The following PRKN variants were observed in gnomAD, a reference collection of about 807,000 sequenced individuals.
The protein encoded by PRKN is E3 ubiquitin-protein ligase parkin.
In PRKN, 56 loss-of-function variants were observed where a neutral mutation model predicts 59.5. The ratio of observed to expected loss-of-function variants is 0.94; its 90% CI spans 0.76 to 1.18. The LOEUF (loss-of-function observed/expected upper bound fraction) is 1.18. Among genes scored for constraint, PRKN ranks in the 50% most tolerant of loss-of-function variants. PRKN has a pLI of 0.00. For synonymous variants in PRKN, 250 were observed against 222.1 expected (o/e 1.13, Z -1.12); for missense variants, 657 against 596.4 (o/e 1.10, Z -1.06).
chr6:161,759,458 T>C (rs1789097229), intron 7 of PRKN, among the ~76,000 whole-genome samples: 2 of 151,736 alleles, frequency 1.3e-5, no homozygotes, highest in Admixed American at 6.6e-5. Flanking sequence ...GGAACAATTA[T>C]GTCCCATTTT....
intron 9 of PRKN, among the ~76,000 whole-genome samples, chr6:161,437,185 C>T (rs1718544367): frequency 6.6e-6 from 1 of 152,150 alleles, no homozygotes; most frequent in Non-Finnish European, 1.5e-5. Flanking sequence ...AGGACCACGA[C>T]ACAAGCTACG....
Position 161,445,150 on chromosome 6 carries a change from G to A in PRKN, c.1084-58273C>T, listed in dbSNP as rs973480139. Among the ~76,000 whole-genome samples, 3 of 152,102 alleles carry A rather than the reference G, an allele frequency of 2.0e-5. No homozygotes were observed. Among genetic ancestry groups the A allele is most frequent in the South Asian group, 2.1e-4 (1 of 4,816 alleles). ...TGACGTGCTCAGCCTCTCCAAAGCCGCGGCGCTGACACAGCTCCCCCTGCA... is the reference window on the plus strand; with the variant it reads ...TGACGTGCTCAGCCTCTCCAAAGCCACGGCGCTGACACAGCTCCCCCTGCA... On this transcript the variant is annotated intron_variant, in intron 9 of 11. Transcript: ENST00000366898. This position sits in a 1 kb window ranked among gnomAD's most constrained non-coding sequence, Gnocchi z 7.7.
At chr6:161,872,633 C>T (rs1794388505) in intron 6 of PRKN, among the ~76,000 whole-genome samples, 1 of 152,074 alleles carries the variant, frequency 6.6e-6, no homozygotes, top group Non-Finnish European at 1.5e-5. Context: ...CATGGTCCCT[C>T]ATATTAAAGC....
chr6:161,982,869 C>T (rs1781310045), intron 5 of PRKN, among the ~76,000 whole-genome samples: 1 of 56,372 alleles, frequency 1.8e-5, no homozygotes, highest in African/African-American at 8.1e-5. Context: ...TCCAAAACAC[C>T]AAAAGCAATG....
intron 6 of PRKN, among the ~76,000 whole-genome samples, chr6:161,791,676 G>A (rs1033161165): frequency 6.6e-6 from 1 of 152,164 alleles, no homozygotes; most frequent in African/African-American, 2.4e-5. Flanking sequence ...AGCTCTCAAG[G>A]ACATATAAAT....
intron 2 of PRKN, among the ~76,000 whole-genome samples, chr6:162,301,560 G>A (rs1279059351): frequency 4.6e-5 from 7 of 152,000 alleles, no homozygotes; most frequent in Non-Finnish European, 8.8e-5. Context: ...GGCCTCCTGC[G>A]TTGGTCTTCA....
At chr6:161,766,331 C>CTTTTTTTT in intron 7 of PRKN, among the ~76,000 whole-genome samples, 1 of 46,400 alleles carries the variant, frequency 2.2e-5, no homozygotes. Context: ...TTTTTTTAGA[C>CTTTTTTTT]AGAGTCTCGA....
chr6:161,983,769 G>A (rs867570067), intron 5 of PRKN, among the ~76,000 whole-genome samples: 12 of 92,350 alleles, frequency 1.3e-4, no homozygotes, highest in Non-Finnish European at 2.5e-4. Flanking sequence ...GGTCGGGGGA[G>A]GGGGGAGGGA....
chr6:162,512,076 G>C (rs965086302), intron 1 of PRKN, among the ~76,000 whole-genome samples: 4 of 148,558 alleles, frequency 2.7e-5, no homozygotes, highest in African/African-American at 9.7e-5. Flanking sequence ...AACATCACAG[G>C]AAGTGTGTAA....
At chr6:161,558,471 G>A (rs1209703395) in intron 8 of PRKN, among the ~76,000 whole-genome samples, 1 of 151,864 alleles carries the variant, frequency 6.6e-6, no homozygotes, top group East Asian at 1.9e-4. Context: ...AGGCTGAGGT[G>A]AGAGGATCAT....
In PRKN at chr6:161,401,620, C is replaced by T. The variant is rs1787055708; in HGVS notation, c.1084-14743G>A. Among the ~76,000 whole-genome samples, 1 of 136,546 alleles carries T rather than the reference C, an allele frequency of 7.3e-6. No individual in the cohort carries two copies. The highest frequency in any genetic ancestry group is 2.6e-5 in the African/African-American group (1 of 38,452). 89.6% of individuals were successfully genotyped at this position (136,546 alleles called of 152,430 possible). A position where few individuals can be genotyped will look rare whatever the true frequency, so the allele number is the denominator to read the frequency against. On this transcript the variant is annotated intron_variant, in intron 9 of 11. Coordinates refer to ENST00000366898, the MANE Select transcript of PRKN (RefSeq NM_004562.3). This position sits in a 1 kb window ranked among gnomAD's most constrained non-coding sequence, Gnocchi z 4.4. ...AAGAGCAAGATTCTGTCCCCACTCC[C>T]CACCAAAAAAAAAAAATTAGAGTAC...
At chr6:162,175,309 A>G (rs1049320264) in intron 4 of PRKN, among the ~76,000 whole-genome samples, 1 of 152,230 alleles carries the variant, frequency 6.6e-6, no homozygotes, top group Non-Finnish European at 1.5e-5. Flanking sequence ...AACAGAAAAG[A>G]AAAGTGAGCC....
In PRKN at chr6:161,419,320, A is replaced by C. The variant is rs1197366118; in HGVS notation, c.1084-32443T>G. Among the ~76,000 whole-genome samples, 4 of 152,194 alleles carry C rather than the reference A, an allele frequency of 2.6e-5. No individual in the cohort carries two copies. Among genetic ancestry groups the C allele is most frequent in the African/African-American group, 9.7e-5 (4 of 41,438 alleles). On this transcript the variant is annotated intron_variant, in intron 9 of 11. Coordinates refer to ENST00000366898, the MANE Select transcript of PRKN (RefSeq NM_004562.3). This position sits in a 1 kb window ranked among gnomAD's most constrained non-coding sequence, Gnocchi z 4.1. ...GAAAGTGACCAACTAGCAGTCAACC[A>C]GGAGATTTTTGGCCCTAGAACCTGA...
chr6:161,893,255 C>A (rs1403725180), intron 6 of PRKN, among the ~76,000 whole-genome samples: 1 of 152,134 alleles, frequency 6.6e-6, no homozygotes, highest in East Asian at 1.9e-4. Context: ...TATAGATAAT[C>A]CCAGCCATCA....
intron 3 of PRKN, among the ~76,000 whole-genome samples, chr6:162,235,914 G>C (rs7759995): frequency 0.44 from 50,391 of 115,042 alleles, 13,162 homozygotes; most frequent in East Asian, 0.82. Flanking sequence ...AGGAAGGAAG[G>C]AAGGAAGGAA....
chr6:162,078,724 T>C (rs1472442484), intron 4 of PRKN, among the ~76,000 whole-genome samples: 1 of 152,010 alleles, frequency 6.6e-6, no homozygotes, highest in Admixed American at 6.6e-5. Flanking sequence ...AAATAATGTA[T>C]TGGGAATAAA....
intron 5 of PRKN, among the ~76,000 whole-genome samples, chr6:162,010,774 A>AATATATTATATAATATATTATATAAT (rs1782566734): frequency 5.3e-4 from 4 of 7,566 alleles, no homozygotes; most frequent in Non-Finnish European, 6.5e-4. Context: ...TATATTATAT[A>AATATATTATATAATATATTATATAAT]ATATATTATA....
At chr6:162,671,885 G>A (rs1239852946) in intron 1 of PRKN, among the ~76,000 whole-genome samples, 1 of 152,102 alleles carries the variant, frequency 6.6e-6, no homozygotes, top group African/African-American at 2.4e-5. Flanking sequence ...AGGAGAGAGG[G>A]GAGGTAGGTT....
chr6:162,006,378 C>T (rs1439683943), intron 5 of PRKN, among the ~76,000 whole-genome samples: 1 of 152,194 alleles, frequency 6.6e-6, no homozygotes, highest in African/African-American at 2.4e-5. Context: ...CCAGATTCCA[C>T]ATTCAACATT....
Sources: gnomAD v4.1 joint callset for allele counts (sites outside exome capture counted in the v4.1 genomes callset) on GRCh38, gnomAD v4.1.1 for gene constraint, Gnocchi (gnomAD v3.1) non-coding constraint, MANE v1.5 for transcripts, NCBI Gene and HGNC (gene_info 2026-07-23, HGNC 2026-07-21) for gene names.